The following FRMD5 variants were observed in gnomAD, a reference collection of about 807,000 sequenced individuals.
FRMD5 encodes the protein FERM domain containing 5, also known as FERM domain-containing protein 5.
FRMD5 carries 20 observed loss-of-function variants against 69.0 expected under a neutral mutation model. That is an observed-to-expected ratio of 0.29 (90% CI 0.20 to 0.42). The LOEUF (loss-of-function observed/expected upper bound fraction) is 0.42. Ranked by LOEUF, FRMD5 falls within the 10% of genes least tolerant of loss-of-function variation. FRMD5 has a pLI of 1.00. For synonymous variants in FRMD5, 271 were observed against 260.1 expected (o/e 1.04, Z -0.40); for missense variants, 595 against 708.6 (o/e 0.84, Z 1.82).
chr15:43,899,909 A>C (rs2089003196), intron 7 of FRMD5, among the ~76,000 whole-genome samples: 1 of 152,084 alleles, frequency 6.6e-6, no homozygotes, highest in South Asian at 2.1e-4. Flanking sequence ...ACGGTGGAGA[A>C]TCCCTTTCCC....
At chr15:43,967,738 C>G (rs1197806972) in intron 1 of FRMD5, among the ~76,000 whole-genome samples, 1 of 150,790 alleles carries the variant, frequency 6.6e-6, no homozygotes. Flanking sequence ...TTTTTTTGGT[C>G]TGAGTAATAT....
chr15:44,197,708 GA>G (rs1020478285), upstream of FRMD5, among the ~76,000 whole-genome samples: 44 of 149,896 alleles, frequency 2.9e-4, 1 homozygote, highest in South Asian at 1.5e-3. Flanking sequence ...AGAAAGAAAG[GA>G]AAAAAAATTC....
chr15:44,165,852 A>C (rs1595545245), intron 1 of FRMD5, among the ~76,000 whole-genome samples: 2 of 152,272 alleles, frequency 1.3e-5, no homozygotes, highest in East Asian at 3.9e-4. Flanking sequence ...AATAAAATAA[A>C]TCTATCAAAT....
At chr15:43,885,536 G>A (rs1478214348) in intron 11 of FRMD5, 145 bp downstream of exon 11, 1 of 688,988 alleles carries the variant, frequency 1.5e-6, no homozygotes, top group East Asian at 2.6e-5. Flanking sequence ...TAGTAAAAGG[G>A]TCATAAGATG....
intron 1 of FRMD5, among the ~76,000 whole-genome samples, chr15:44,177,295 A>G (rs2077915688): frequency 1.3e-5 from 2 of 152,228 alleles, no homozygotes; most frequent in Non-Finnish European, 2.9e-5. Flanking sequence ...AGCATTATCC[A>G]TAATAGCCAA....
intron 1 of FRMD5, among the ~76,000 whole-genome samples, chr15:44,050,528 C>CTTTT (rs34133842): frequency 1.1e-5 from 1 of 93,756 alleles, no homozygotes; most frequent in African/African-American, 3.5e-5. Flanking sequence ...GCCTGGCTCC[C>CTTTT]TTTTTTTTTT....
rs764653203 is a variant in FRMD5, at chr15:43,874,309, A to G, written c.1289T>C (p.Val430Ala). Reference sequence around the variant, plus strand: ...GTGCTCAGCCACAGGGGTGGGCAGCACGCTGTCTGCAGGGCTGTAGGCCTC... The same window carrying G: ...GTGCTCAGCCACAGGGGTGGGCAGCGCGCTGTCTGCAGGGCTGTAGGCCTC... ...ADEAYSPADS[V>A]LPTPVAEHSL... The change falls in exon 14 of 14, where the codon GTG (valine) becomes GCG (alanine). Residue 430 changes from valine to alanine, a missense_variant. Val to Ala is a moderately conservative substitution (Grantham distance 64). Coordinates refer to ENST00000417257, the MANE Select transcript of FRMD5 (RefSeq NM_032892.5). The G allele has an allele frequency of 1.2e-6, 2 of 1,614,236 alleles. No individual in the cohort carries two copies. The highest frequency in any genetic ancestry group is 2.2e-5 in the South Asian group (2 of 91,086).
rs548466597 is a variant in FRMD5, at chr15:44,077,689, G to A, written c.102+117264C>T. Among the ~76,000 whole-genome samples, 59 of 152,092 alleles carry A rather than the reference G, an allele frequency of 3.9e-4. 1 individual carries two copies. In the South Asian group the frequency reaches 0.011, roughly 28 times the overall value. On this transcript the variant is annotated intron_variant, in intron 1 of 13. Transcript: ENST00000417257. ...CCTTCAAACAGATAGGGGAGGAAAC[G>A]AAGTGACTGGATGTATGAAGTAACT...
chr15:43,896,977 TGAA>T (rs959156500), intron 7 of FRMD5, among the ~76,000 whole-genome samples: 1 of 151,850 alleles, frequency 6.6e-6, no homozygotes, highest in African/African-American at 2.4e-5. Flanking sequence ...AGAATGGAAA[TGAA>T]GAGGAGAAGG....
chr15:43,954,896 C>T (rs917986982), intron 1 of FRMD5, among the ~76,000 whole-genome samples: 5 of 152,184 alleles, frequency 3.3e-5, no homozygotes, highest in Admixed American at 3.3e-4. Context: ...AGATGATATG[C>T]TGAGCATTTT....
intron 1 of FRMD5, among the ~76,000 whole-genome samples, chr15:44,004,456 T>A (rs1890347565): frequency 6.6e-6 from 1 of 152,240 alleles, no homozygotes; most frequent in Non-Finnish European, 1.5e-5. Flanking sequence ...GCACACTTCA[T>A]GTCTCTGTGT....
intron 4 of FRMD5, among the ~76,000 whole-genome samples, chr15:43,913,646 G>T (rs959615057): frequency 3.3e-5 from 5 of 152,224 alleles, no homozygotes; most frequent in African/African-American, 1.2e-4. Flanking sequence ...TATCTCCAGG[G>T]CCACTGTGTG....
At chr15:43,995,560 C>T (rs983424466) in intron 1 of FRMD5, among the ~76,000 whole-genome samples, 1 of 151,798 alleles carries the variant, frequency 6.6e-6, no homozygotes, top group African/African-American at 2.4e-5. Context: ...TGGGTCTGGA[C>T]CATGGGTCTG....
intron 1 of FRMD5, among the ~76,000 whole-genome samples, chr15:44,172,589 T>C (rs1262283414): frequency 2.0e-5 from 3 of 152,154 alleles, no homozygotes; most frequent in South Asian, 2.1e-4. Flanking sequence ...GTTTCAAAAA[T>C]GGGACATGCT....
At chr15:43,973,559 G>T (rs1162855479) in intron 1 of FRMD5, among the ~76,000 whole-genome samples, 1 of 151,570 alleles carries the variant, frequency 6.6e-6, no homozygotes, top group African/African-American at 2.4e-5. Context: ...GCAGAGACGG[G>T]GTTTCACCAT....
At chr15:44,165,791 A>C (rs939297308) in intron 1 of FRMD5, among the ~76,000 whole-genome samples, 1 of 152,138 alleles carries the variant, frequency 6.6e-6, no homozygotes, top group Non-Finnish European at 1.5e-5. Context: ...GCCATATGCC[A>C]CTGTACTCCA....
chr15:44,005,398 T>C (rs945013985), intron 1 of FRMD5, among the ~76,000 whole-genome samples: 9 of 132,990 alleles, frequency 6.8e-5, no homozygotes, highest in South Asian at 2.3e-4. Context: ...TTGAACCCGG[T>C]AGGTGGAGGC....
At chr15:44,188,283 T>C (rs1018650365) in intron 1 of FRMD5, among the ~76,000 whole-genome samples, 1 of 152,176 alleles carries the variant, frequency 6.6e-6, no homozygotes, top group African/African-American at 2.4e-5. Context: ...GGTATGCATA[T>C]CTGTAGACAA....
At chr15:43,984,933 G>A (rs1323323607) in intron 1 of FRMD5, among the ~76,000 whole-genome samples, 19 of 151,480 alleles carry the variant, frequency 1.3e-4, no homozygotes, top group Admixed American at 9.2e-4. Flanking sequence ...GCAGTGAGCC[G>A]AGATCGCGCC....
Sources: allele counts gnomAD v4.1 joint callset (sites outside exome capture counted in the v4.1 genomes callset), GRCh38; gene constraint gnomAD v4.1.1; transcripts MANE v1.5; gene names NCBI Gene and HGNC (gene_info 2026-07-23, HGNC 2026-07-21).